The following VEPH1 variants were observed in gnomAD, a reference collection of about 807,000 sequenced individuals.
The protein encoded by VEPH1 is ventricular zone expressed PH domain containing 1, also known as ventricular zone-expressed PH domain-containing protein homolog 1.
VEPH1 carries 80 observed loss-of-function variants against 85.2 expected under a neutral mutation model. That is an observed-to-expected ratio of 0.94 (90% CI 0.78 to 1.13). The LOEUF (loss-of-function observed/expected upper bound fraction) is 1.13, where lower values mean the gene tolerates loss of function less well. VEPH1 is among the 50% of genes most tolerant of loss of function. The pLI is 0.00. For missense variants in VEPH1, 955 were observed against 980.5 expected, an observed-to-expected ratio of 0.97 and a Z score of 0.35; for synonymous variants, 297 against 348.0, an observed-to-expected ratio of 0.85 and a Z score of 1.63.
At chr3:157,376,620 A>G (rs1442242840) in intron 7 of VEPH1, among the ~76,000 whole-genome samples, 1 of 152,188 alleles carries the variant, frequency 6.6e-6, no homozygotes, top group Non-Finnish European at 1.5e-5. Flanking sequence ...TTTACATATA[A>G]ACATTCTTTC....
In VEPH1 at chr3:157,421,893, C is replaced by A. The variant is rs141544841; in HGVS notation, c.696+6429G>T. Among the ~76,000 whole-genome samples, 782 of 152,268 alleles carry A rather than the reference C, an allele frequency of 5.1e-3. 6 individuals are homozygous for A. Among genetic ancestry groups the A allele is most frequent in the South Asian group, 0.016 (76 of 4,826 alleles). On this transcript the variant is annotated intron_variant, in intron 5 of 13. Transcript: ENST00000362010. Reference sequence around the variant, plus strand: ...GTCCATCCACATCACTCTAGGTGCTCCCTAAACCCTGGCCTCTTTGTTCTG... The same window carrying A: ...GTCCATCCACATCACTCTAGGTGCTACCTAAACCCTGGCCTCTTTGTTCTG...
rs542647290 is a variant in VEPH1, at chr3:157,352,057, T to C, written c.1735+11307A>G. ...AATATAAACACCTATTTTGATGAAC[T>C]GGCTTTAGTGAGAACAGCATTCATC... On this transcript the variant is annotated intron_variant, in intron 9 of 13. Transcript: ENST00000362010. Among the ~76,000 whole-genome samples, 6 of 152,342 alleles carry C rather than the reference T, an allele frequency of 3.9e-5. No homozygotes were observed. The East Asian group carries it at 1.2e-3, about 29-fold the overall frequency.
intron 2 of VEPH1, among the ~76,000 whole-genome samples, chr3:157,470,745 A>G (rs979659633): frequency 4.6e-5 from 7 of 152,302 alleles, no homozygotes; most frequent in African/African-American, 1.7e-4. Flanking sequence ...AGCAGGTTCT[A>G]CTATCACCCT....
Position 157,317,133 on chromosome 3 carries a change from T to C in VEPH1, c.1804A>G (p.Ser602Gly). The change falls in exon 10 of 14, where the codon AGT becomes GGT. Residue 602 changes from serine (S) to glycine (G), a missense_variant. Physicochemically the swap from Ser to Gly is moderately conservative, Grantham distance 56. Coordinates refer to ENST00000362010, the MANE Select transcript of VEPH1 (RefSeq NM_001167912.2). ...CTGATGAGAATAAAACTGGACTTAC[T>C]GTATAGGCAGTAATGACCCTTCAGG... ...CSLKGHYCLY[S>G]KSSFILISQE... is the part of the protein sequence containing the mutation. The C allele has an allele frequency of 6.2e-7, 1 of 1,613,764 alleles. No individual in the cohort carries two copies. Among genetic ancestry groups the C allele is most frequent in the Non-Finnish European group, 8.5e-7 (1 of 1,179,822 alleles).
intron 6 of VEPH1, among the ~76,000 whole-genome samples, chr3:157,401,828 G>T (rs1485878083): frequency 4.0e-5 from 6 of 151,722 alleles, no homozygotes; most frequent in African/African-American, 1.5e-4. Context: ...GTGAATAAAT[G>T]AATGGAAGCA....
intron 9 of VEPH1, among the ~76,000 whole-genome samples, chr3:157,320,224 C>T (rs991083): frequency 0.48 from 72,729 of 151,906 alleles, 18,871 homozygotes; most frequent in Admixed American, 0.61. Flanking sequence ...TCTGAACTTA[C>T]AACAATGGTT....
intron 6 of VEPH1, among the ~76,000 whole-genome samples, chr3:157,397,202 C>A (rs2108955240): frequency 6.6e-6 from 1 of 152,262 alleles, no homozygotes; most frequent in South Asian, 2.1e-4. Context: ...TTCCCCATTG[C>A]TTGCTTTTTG....
intron 12 of VEPH1, among the ~76,000 whole-genome samples, chr3:157,274,791 C>A (rs558385210): frequency 6.6e-6 from 1 of 152,286 alleles, no homozygotes; most frequent in Admixed American, 6.5e-5. Flanking sequence ...TGAGCCACTG[C>A]ACCTGGCCCT....
chr3:157,470,090 G>A (rs939229831), intron 3 of VEPH1, among the ~76,000 whole-genome samples: 1 of 152,118 alleles, frequency 6.6e-6, no homozygotes, highest in African/African-American at 2.4e-5. Flanking sequence ...GAGGCTTGCA[G>A]TGGTATTACT....
intron 2 of VEPH1, among the ~76,000 whole-genome samples, chr3:157,482,858 G>A (rs1425333243): frequency 1.3e-5 from 2 of 152,058 alleles, no homozygotes; most frequent in Admixed American, 1.3e-4. Flanking sequence ...AAATTTTACT[G>A]AAGTCGTTTA....
chr3:157,405,135 T>A (rs1332021121), intron 6 of VEPH1, among the ~76,000 whole-genome samples: 1 of 152,104 alleles, frequency 6.6e-6, no homozygotes, highest in Non-Finnish European at 1.5e-5. Context: ...TGGAGTTTGA[T>A]CCTGGTCTTG....
intron 13 of VEPH1, among the ~76,000 whole-genome samples, chr3:157,263,438 A>C (rs1223809650): frequency 6.7e-6 from 1 of 149,946 alleles, no homozygotes; most frequent in Non-Finnish European, 1.5e-5. Context: ...ATTCTCATAG[A>C]TTAACTCTGC....
chr3:157,456,468 T>C (rs1437244376), intron 4 of VEPH1, among the ~76,000 whole-genome samples: 2 of 152,202 alleles, frequency 1.3e-5, no homozygotes, highest in African/African-American at 4.8e-5. Context: ...CAGAATGGTG[T>C]TGCCTAGGTT....
At chr3:157,295,770 C>CA (rs1446491377) in intron 11 of VEPH1, among the ~76,000 whole-genome samples, 2 of 152,096 alleles carry the variant, frequency 1.3e-5, no homozygotes, top group Non-Finnish European at 2.9e-5. Flanking sequence ...GCCTGGCCAA[C>CA]ATGGTGAAAC....
rs1400969894 is a variant in VEPH1 at position 157,413,933 on chromosome 3, T to C, written c.854A>G (p.Tyr285Cys). 6.2e-7 allele frequency: 1 copy of C among 1,613,422 alleles called. No individual in the cohort carries two copies. The highest frequency in any genetic ancestry group is 1.3e-5 in the African/African-American group (1 of 74,848). Residue 285 changes from tyrosine to cysteine, a missense_variant, in exon 6 of 14, where the codon TAC (tyrosine) becomes TGC (cysteine). By Grantham distance (194) the Tyr-to-Cys change is radical. Transcript: ENST00000362010. ...AATCCTTGCCATCTGTCCAGTGAGGTAGGGGAATCTCTCACCAATCTCTTT... is the reference window on the plus strand; with the variant it reads ...AATCCTTGCCATCTGTCCAGTGAGGCAGGGGAATCTCTCACCAATCTCTTT... ...MLKEIGERFP[Y>C]LTGQMARIYG...
At chr3:157,444,082 C>T (rs1734353798) in intron 4 of VEPH1, among the ~76,000 whole-genome samples, 1 of 152,196 alleles carries the variant, frequency 6.6e-6, no homozygotes, top group South Asian at 2.1e-4. Flanking sequence ...GGTCAAGCCC[C>T]TTCACACTGT....
At chr3:157,357,535 C>A (rs1725577583) in intron 9 of VEPH1, among the ~76,000 whole-genome samples, 1 of 151,940 alleles carries the variant, frequency 6.6e-6, no homozygotes, top group Non-Finnish European at 1.5e-5. Context: ...CTCTGTTGCC[C>A]AGGCTGGAGT....
At chr3:157,362,419 T>G (rs1318145171) in intron 9 of VEPH1, among the ~76,000 whole-genome samples, 3 of 152,218 alleles carry the variant, frequency 2.0e-5, no homozygotes, top group Non-Finnish European at 4.4e-5. Flanking sequence ...TTTATTTTTT[T>G]ACTTTGCCCT....
chr3:157,361,391 T>C (rs1726033977), intron 9 of VEPH1, among the ~76,000 whole-genome samples: 1 of 152,198 alleles, frequency 6.6e-6, no homozygotes, highest in Admixed American at 6.5e-5. Context: ...GAGAACACAC[T>C]CTTTCCTCTG....
Sources: allele counts gnomAD v4.1 joint callset (sites outside exome capture counted in the v4.1 genomes callset), GRCh38; gene constraint gnomAD v4.1.1; transcripts MANE v1.5; gene names NCBI Gene and HGNC (gene_info 2026-07-23, HGNC 2026-07-21).